The following ADGRG2 variants were observed in gnomAD, a reference collection of about 807,000 sequenced individuals.
ADGRG2 encodes the protein G protein-coupled receptor 64.
A neutral mutation model predicts 74.1 loss-of-function variants in ADGRG2; 26 were observed. The ratio of observed to expected loss-of-function variants is 0.35; its 90% confidence interval spans 0.26 to 0.49. The LOEUF is 0.49. ADGRG2 is among the 20% of genes least tolerant of loss of function. ADGRG2 has a pLI of 0.99. For missense variants in ADGRG2, 619 were observed against 763.1 expected, an observed-to-expected ratio of 0.81 and a Z score of 2.22; for synonymous variants, 296 against 295.2, an observed-to-expected ratio of 1.00 and a Z score of -0.03.
rs1555907968 is a variant in ADGRG2 at position 19,075,636 on chromosome X, A to AG, written c.-1-6802_-1-6801insC. 3.9e-3 allele frequency among the ~76,000 whole-genome samples: 417 copies of AG among 107,070 alleles called. 3 individuals carry two copies. Among genetic ancestry groups the AG allele is most frequent in the African/African-American group, 0.014 (398 of 28,789 alleles). The allele number at this position is 107,070 out of a possible 115,157, so 93.0% of individuals were successfully genotyped here. A position where few individuals can be genotyped will look rare whatever the true frequency, so the allele number is the denominator to read the frequency against. ...TCGCCTCAAAAAAAAAAAAAAAAAA[A>AG]AAAGAAAGAAAGAAAGAAAAAGGCT... On this transcript the variant is annotated intron_variant, in intron 2 of 28. Transcript: ENST00000379869.
intron 3 of ADGRG2, among the ~76,000 whole-genome samples, chrX:19,041,319 A>G (rs1013911192): frequency 8.0e-5 from 9 of 112,110 alleles, no homozygotes; most frequent in African/African-American, 2.9e-4. Flanking sequence ...TCTTTCAGAA[A>G]TTCCATAAAT....
chrX:19,020,957 A>G lies in ADGRG2; in HGVS notation c.643+147T>C. The stretch of plus-strand genomic sequence containing the variant: ...GTGACAGACTGAGACTCTGCCTCAA[A>G]AAAAAAAGAGAGAGAAATTGCCCAA... On this transcript the variant is annotated intron_variant, in intron 14 of 28. Coordinates refer to ENST00000379869, the MANE Select transcript of ADGRG2 (RefSeq NM_001079858.3). 8.7e-6 allele frequency: 4 copies of G among 459,906 alleles called. No homozygotes were observed. In the South Asian group the frequency reaches 1.2e-4, roughly 14 times the overall value. 37.9% of individuals were successfully genotyped at this position (459,906 alleles called of 1,213,427 possible).
chrX:19,115,725 G>A (rs922852232), intron 1 of ADGRG2, among the ~76,000 whole-genome samples: 7 of 111,408 alleles, frequency 6.3e-5, no homozygotes, highest in African/African-American at 2.3e-4. Flanking sequence ...GGGAGGCCGA[G>A]GCAGGAGGAT....
intron 3 of ADGRG2, among the ~76,000 whole-genome samples, chrX:19,057,595 G>GGGA (rs2061425529): frequency 9.0e-6 from 1 of 111,647 alleles, no homozygotes; most frequent in African/African-American, 3.3e-5. Flanking sequence ...CCAGTGCTTT[G>GGGA]GGAGGCCGAG....
rs927865303 is a variant in ADGRG2, at chrX:19,101,465, C to G, written c.-46-18719G>C. On this transcript the variant is annotated intron_variant, in intron 1 of 28. Coordinates refer to ENST00000379869, the MANE Select transcript of ADGRG2 (RefSeq NM_001079858.3). Reference sequence around the variant, plus strand: ...CCTGTAATCCCAGCACTTTGGGAGGCCGAGGTGGGCGAATCACTTGAGTCT... The same window carrying G: ...CCTGTAATCCCAGCACTTTGGGAGGGCGAGGTGGGCGAATCACTTGAGTCT... Among the ~76,000 whole-genome samples, 3 of 110,732 alleles carry G rather than the reference C, an allele frequency of 2.7e-5. No individual in the cohort carries two copies. The Admixed American group carries it at 2.9e-4, about 11-fold the overall frequency.
intron 1 of ADGRG2, among the ~76,000 whole-genome samples, chrX:19,103,146 G>A (rs1475686494): frequency 9.0e-6 from 1 of 111,379 alleles, no homozygotes; most frequent in Non-Finnish European, 1.9e-5. Flanking sequence ...GCGGTAAAGA[G>A]GCCAGCCAAA....
Position 19,006,274 on chromosome X carries a change from G to T in ADGRG2, c.1690-9C>A. On this transcript the variant is annotated splice_polypyrimidine_tract_variant and intron_variant, in intron 20 of 28. Coordinates refer to ENST00000379869, the MANE Select transcript of ADGRG2 (RefSeq NM_001079858.3). ...CTCACTGTTAACTCATCCTGTGGTA[G>T]AAAGATAAATCACACATAATTAATT... is the stretch of plus-strand genomic sequence containing the variant. The T allele has an allele frequency of 2.8e-6, 3 of 1,059,440 alleles. No homozygotes were observed. The highest frequency in any genetic ancestry group is 3.9e-6 in the Non-Finnish European group (3 of 774,056). The allele number at this position is 1,059,440 out of a possible 1,213,427, so 87.3% of individuals were successfully genotyped here.
Position 19,023,403 on chromosome X carries a change from A to C in ADGRG2, c.548+13T>G, listed in dbSNP as rs1223641465. On this transcript the variant is annotated intron_variant, in intron 13 of 28. Transcript: ENST00000379869. ...GAGAAATTATATTTATGAAAGTATT[A>C]AAAATGACTGACCTTTGGGCCTCTG... The C allele has an allele frequency of 9.4e-7, 1 of 1,062,380 alleles. No homozygotes were observed. The highest frequency in any genetic ancestry group is 1.3e-6 in the Non-Finnish European group (1 of 779,656). The allele number at this position is 1,062,380 out of a possible 1,213,427, so 87.6% of individuals were successfully genotyped here. A position where few individuals can be genotyped will look rare whatever the true frequency, so the allele number is the denominator to read the frequency against.
At chrX:19,120,446 A>C (rs1459271758) in intron 1 of ADGRG2, among the ~76,000 whole-genome samples, 3 of 112,340 alleles carry the variant, frequency 2.7e-5, no homozygotes, top group Non-Finnish European at 5.6e-5. Context: ...TGTTGATATT[A>C]ATAAAGTAAT....
At chrX:19,052,605 CAT>C (rs1219681640) in intron 3 of ADGRG2, among the ~76,000 whole-genome samples, 5 of 108,144 alleles carry the variant, frequency 4.6e-5, no homozygotes, top group East Asian at 2.8e-4. Flanking sequence ...TACATATATA[CAT>C]ATGTTTTTAT....
At chrX:19,113,710 G>T (rs1035907831) in intron 1 of ADGRG2, among the ~76,000 whole-genome samples, 2 of 111,953 alleles carry the variant, frequency 1.8e-5, no homozygotes, top group Non-Finnish European at 3.8e-5. Flanking sequence ...TAAGGGCATG[G>T]GGTGTTCTTT....
intron 28 of ADGRG2, among the ~76,000 whole-genome samples, chrX:18,993,338 T>C (rs1410452810): frequency 9.0e-6 from 1 of 110,554 alleles, no homozygotes; most frequent in Non-Finnish European, 1.9e-5. Context: ...AAAATGTCAA[T>C]TGTGCTTGAA....
At chrX:19,063,394 G>A (rs938967072) in intron 3 of ADGRG2, among the ~76,000 whole-genome samples, 1 of 112,295 alleles carries the variant, frequency 8.9e-6, no homozygotes, top group Non-Finnish European at 1.9e-5. Flanking sequence ...GGTGCCCTGG[G>A]CAGCCTGGTG....
intron 3 of ADGRG2, among the ~76,000 whole-genome samples, chrX:19,051,835 GC>G (rs2061328935): frequency 8.9e-6 from 1 of 111,882 alleles, no homozygotes; most frequent in Admixed American, 9.5e-5. Context: ...AGAGGATCCA[GC>G]CCTCAGCCAA....
intron 2 of ADGRG2, among the ~76,000 whole-genome samples, chrX:19,077,130 T>C (rs5955690): frequency 0.31 from 33,537 of 108,846 alleles, 4,096 homozygotes; most frequent in East Asian, 0.45. Context: ...ATTCAGTCAG[T>C]CTGAAAAAAG....
At position 19,010,599 on chromosome X, in the gene ADGRG2, T is replaced by C. The variant is rs763511825; in HGVS notation, c.1265+14A>G. On this transcript the variant is annotated intron_variant, in intron 17 of 28. Transcript: ENST00000379869. The stretch of plus-strand genomic sequence containing the variant: ...GGTCCCCTCTTACCACCACTTCAGT[T>C]TGCGAAGTCGTACCTTTGAGCCAGA... The C allele has an allele frequency of 6.7e-6, 8 of 1,193,048 alleles. No homozygotes were observed. In the East Asian group the frequency reaches 2.4e-4, roughly 36 times the overall value.
At chrX:19,024,017 T>C (rs2060648228) in intron 11 of ADGRG2, 69 bp from the exon 12 acceptor site, 1 of 766,873 alleles carries the variant, frequency 1.3e-6, no homozygotes. Context: ...ACATGTTAGA[T>C]TTTAGCAATT....
At chrX:18,998,393 G>A (rs2060057918) in intron 26 of ADGRG2, among the ~76,000 whole-genome samples, 1 of 110,660 alleles carries the variant, frequency 9.0e-6, no homozygotes, top group Non-Finnish European at 1.9e-5. Flanking sequence ...TTCCTGGCAG[G>A]TTCCCCTCAA....
chrX:19,006,386 G>C (rs2060232366), intron 20 of ADGRG2, 121 bp from the exon 21 acceptor site: 8 of 525,114 alleles, frequency 1.5e-5, no homozygotes, highest in Non-Finnish European at 2.6e-5. Context: ...AGAATCTTAG[G>C]CTTAATTTTT....
Sources: allele counts gnomAD v4.1 joint callset (sites outside exome capture counted in the v4.1 genomes callset), GRCh38; gene constraint gnomAD v4.1.1; transcripts MANE v1.5; gene names NCBI Gene and HGNC (gene_info 2026-07-23, HGNC 2026-07-21).